Variants in TIMELESS observed in about 807,000 individuals in gnomAD.
The protein encoded by TIMELESS is timeless circadian regulator.
A neutral mutation model predicts 164.3 loss-of-function variants in TIMELESS; 124 were observed. The ratio of observed to expected loss-of-function variants is 0.75; its 90% confidence interval spans 0.65 to 0.88. TIMELESS has a LOEUF of 0.88. Among genes scored for constraint, TIMELESS ranks in the 40% least tolerant of loss-of-function variants. TIMELESS has a pLI of 0.00. For synonymous variants in TIMELESS, 564 were observed against 563.4 expected (o/e 1.00, Z -0.02); for missense variants, 1,422 against 1,491.4 (o/e 0.95, Z 0.77).
intron 24 of TIMELESS, 23 bp downstream of exon 24, chr12:56,420,940 T>C (rs1180633756): frequency 1.2e-6 from 2 of 1,614,010 alleles, no homozygotes; most frequent in Admixed American, 1.7e-5. Context: ...ACCTGAGACA[T>C]CTCTCCCAGC....
rs72479002 is a variant in TIMELESS, at chr12:56,421,225, G to A, written c.2869-91C>T. On this transcript the variant is annotated intron_variant, in intron 23 of 28. Transcript: ENST00000553532. ...TCGTTCCTGACCACCGCACCCCCCC[G>A]CGCCTGCTCTCTCGGAAGGACCTGG... is the stretch of plus-strand genomic sequence containing the variant. 67 of 1,587,942 alleles carry A rather than the reference G, an allele frequency of 4.2e-5. No individual in the cohort carries two copies. In the Admixed American group the frequency reaches 6.6e-4, roughly 16 times the overall value.
chr12:56,434,549 C>T (rs1316321900), intron 1 of TIMELESS, among the ~76,000 whole-genome samples: 1 of 152,104 alleles, frequency 6.6e-6, no homozygotes, highest in African/African-American at 2.4e-5. Flanking sequence ...ACCAGCCTGA[C>T]CAACATGGAG....
Position 56,432,374 on chromosome 12 carries a change from C to A in TIMELESS, c.682G>T (p.Asp228Tyr), listed in dbSNP as rs1469468233. ...VLEIVSLMFR[D>Y]QNPEQLAGVG... Reference sequence around the variant, plus strand: ...GCAATAGGCCAGGGTCTCACCTGGTCACGAAACATAAGGGAGACAATCTCT... The same window carrying A: ...GCAATAGGCCAGGGTCTCACCTGGTAACGAAACATAAGGGAGACAATCTCT... Residue 228 changes from aspartate (D) to tyrosine (Y), a missense_variant, in exon 7 of 29, where the codon GAC (aspartate) becomes TAC (tyrosine). Coordinates refer to ENST00000553532, the MANE Select transcript of TIMELESS (RefSeq NM_003920.5). 1 of 1,613,032 alleles carries A rather than the reference C, an allele frequency of 6.2e-7. No homozygotes were observed. The highest frequency in any genetic ancestry group is 8.5e-7 in the Non-Finnish European group (1 of 1,179,244).
At position 56,435,354 on chromosome 12, in the gene TIMELESS, C is replaced by CT. The variant is rs1450558666; in HGVS notation, c.-61-1124dup. Among the ~76,000 whole-genome samples the CT allele has an allele frequency of 3.2e-3, 490 of 151,086 alleles. 5 individuals carry two copies. The highest frequency in any genetic ancestry group is 0.011 in the African/African-American group (461 of 41,192). On this transcript the variant is annotated intron_variant, in intron 1 of 28. Coordinates refer to ENST00000553532, the MANE Select transcript of TIMELESS (RefSeq NM_003920.5). Reference sequence around the variant, plus strand: ...TCACTATCTCCCAAAGAATCATCTTCTTTTAAAAAAAAAAAAAAAAGAGAA... The same window carrying CT: ...TCACTATCTCCCAAAGAATCATCTTCTTTTTAAAAAAAAAAAAAAAAGAGAA...
At chr12:56,432,311 C>CT in intron 7 of TIMELESS, 58 bp downstream of exon 7, 1 of 1,556,492 alleles carries the variant, frequency 6.4e-7, no homozygotes, top group Non-Finnish European at 8.8e-7. Context: ...GCAATTCTGG[C>CT]TGTACAGCAG....
chr12:56,428,873 T>A lies in TIMELESS; in HGVS notation c.1304+10A>T. 1 of 1,612,580 alleles carries A rather than the reference T, an allele frequency of 6.2e-7. No homozygotes were observed. The highest frequency in any genetic ancestry group is 8.5e-7 in the Non-Finnish European group (1 of 1,179,482). On this transcript the variant is annotated intron_variant, in intron 11 of 28. Coordinates refer to ENST00000553532, the MANE Select transcript of TIMELESS (RefSeq NM_003920.5). ...TAGCTCACTGTATCTCCAGTAACCA[T>A]CCCACTCACCGGCGTGCCCAGGAGG...
intron 1 of TIMELESS, among the ~76,000 whole-genome samples, chr12:56,447,196 T>G (rs892317068): frequency 2.7e-4 from 39 of 144,366 alleles, no homozygotes; most frequent in Middle Eastern, 3.4e-3. Context: ...TTTTTTTTTT[T>G]TTTTTTTTTT....
chr12:56,417,504 C>T lies in TIMELESS; in HGVS notation c.*212G>A. Reference sequence around the variant, plus strand: ...CTAAATCTCCAGAGAGCTGCTGGGGCATACCGATAAAAACTGGGAGAAACA... The same window carrying T: ...CTAAATCTCCAGAGAGCTGCTGGGGTATACCGATAAAAACTGGGAGAAACA... On this transcript the variant is annotated 3_prime_UTR_variant, in exon 29 of 29. Coordinates refer to ENST00000553532, the MANE Select transcript of TIMELESS (RefSeq NM_003920.5). 2 of 562,996 alleles carry T rather than the reference C, an allele frequency of 3.6e-6. No homozygotes were observed. The highest frequency in any genetic ancestry group is 6.3e-6 in the Non-Finnish European group (2 of 315,610). 34.9% of individuals were successfully genotyped at this position (562,996 alleles called of 1,614,324 possible). A position where few individuals can be genotyped will look rare whatever the true frequency, so the allele number is the denominator to read the frequency against.
intron 6 of TIMELESS, 137 bp from the exon 7 acceptor site, chr12:56,432,661 T>C (rs1592251734): frequency 2.4e-6 from 3 of 1,266,692 alleles, no homozygotes; most frequent in East Asian, 2.4e-5. Context: ...AAAGGGCAGC[T>C]TGGCCGGGCG....
chr12:56,433,314 C>A, intron 5 of TIMELESS, 67 bp downstream of exon 5: 2 of 1,556,764 alleles, frequency 1.3e-6, no homozygotes, highest in Middle Eastern at 1.8e-4. Flanking sequence ...CTCAGCATCT[C>A]CTCCTCTGCC....
At chr12:56,419,240 C>T (rs1881372842) in intron 26 of TIMELESS, among the ~76,000 whole-genome samples, 1 of 152,188 alleles carries the variant, frequency 6.6e-6, no homozygotes, top group Non-Finnish European at 1.5e-5. Context: ...GATCCGCCTG[C>T]CTCAGCCTCC....
rs201537000 is a variant in TIMELESS, at chr12:56,421,491, C to T, written c.2728G>A (p.Val910Ile). ...ATATTCTTCATGATATGACCCAGGA[C>T]ATCTATAAAAAGCAAGCATGTGAAT... ...LFEEFRDSDD[V>I]LGHIMKNITA... Residue 910 changes from valine (V) to isoleucine (I), a missense_variant and splice_region_variant, in exon 23 of 29, where the codon GTC (valine) becomes ATC (isoleucine). Val to Ile is a conservative substitution (Grantham distance 29). Coordinates refer to ENST00000553532, the MANE Select transcript of TIMELESS (RefSeq NM_003920.5). 1.2e-4 allele frequency: 190 copies of T among 1,609,358 alleles called. 1 individual carries two copies. In the East Asian group the frequency reaches 3.7e-3, roughly 32 times the overall value.
chr12:56,423,097 A>G lies in TIMELESS; in HGVS notation c.2293-105T>C, dbSNP rs547623545. 6.9e-6 allele frequency: 10 copies of G among 1,445,992 alleles called. No homozygotes were observed. The East Asian group carries it at 2.3e-4, about 33-fold the overall frequency. 89.6% of individuals were successfully genotyped at this position (1,445,992 alleles called of 1,614,324 possible). ...AGCTGTTCCCAGCTGCCCCCTCCTC[A>G]CTCACTCTCTTCTGTCCTTCTCCAT... On this transcript the variant is annotated intron_variant, in intron 18 of 28. Coordinates refer to ENST00000553532, the MANE Select transcript of TIMELESS (RefSeq NM_003920.5).
Position 56,421,783 on chromosome 12 carries a change from G to A in TIMELESS, c.2669C>T (p.Thr890Met), listed in dbSNP as rs1324951663. Residue 890 changes from threonine (T) to methionine (M), a missense_variant, in exon 22 of 29, where the codon ACG (threonine) becomes ATG (methionine). Transcript: ENST00000553532. ...QRKGTHIVLW[T>M]GDQELELQRL... is the part of the protein sequence containing the mutation. ...CTGCAGCTCCAACTCCTGATCCCCC[G>A]TCCACAGTACAATATGGGTTCCTTT... The A allele has an allele frequency of 2.5e-6, 4 of 1,614,044 alleles. No individual in the cohort carries two copies. The highest frequency in any genetic ancestry group is 2.2e-5 in the East Asian group (1 of 44,878).
rs1288254911 is a variant in TIMELESS at position 56,423,673 on chromosome 12, TTCC to T, written c.1998_2000del (p.Glu678del). On this transcript the variant is annotated inframe_deletion, in exon 17 of 29. Coordinates refer to ENST00000553532, the MANE Select transcript of TIMELESS (RefSeq NM_003920.5). Reference sequence around the variant, plus strand: ...CTTCCTCCTCCTCCTCCTCTTCTTCTTCCTCTGCCCCACGTTCCTCTGGGCCCT... The same window carrying T: ...CTTCCTCCTCCTCCTCCTCTTCTTCTTCTGCCCCACGTTCCTCTGGGCCCT... The T allele has an allele frequency of 6.2e-7, 1 of 1,614,000 alleles. No individual in the cohort carries two copies. The highest frequency in any genetic ancestry group is 1.1e-5 in the South Asian group (1 of 91,066).
chr12:56,418,098 A>C, intron 27 of TIMELESS, 36 bp downstream of exon 27: 1 of 1,612,820 alleles, frequency 6.2e-7, no homozygotes, highest in Non-Finnish European at 8.5e-7. Context: ...CATGGCTGAC[A>C]CGTTAATACT....
chr12:56,438,743 A>G (rs1292356714), intron 1 of TIMELESS, among the ~76,000 whole-genome samples: 2 of 127,584 alleles, frequency 1.6e-5, no homozygotes, highest in Non-Finnish European at 3.1e-5. Context: ...GCGCCACCGC[A>G]CTCCAGCCTA....
intron 1 of TIMELESS, among the ~76,000 whole-genome samples, chr12:56,437,529 G>C (rs1882112249): frequency 6.6e-6 from 1 of 151,910 alleles, no homozygotes; most frequent in Non-Finnish European, 1.5e-5. Context: ...TACAGAAAAT[G>C]AGGCAGGATA....
chr12:56,428,442 T>C, intron 12 of TIMELESS, 37 bp from the exon 13 acceptor site: 1 of 1,606,144 alleles, frequency 6.2e-7, no homozygotes, highest in Non-Finnish European at 8.5e-7. Context: ...GAAGGGCTAT[T>C]CTGGAAAGCT....
Sources: gnomAD v4.1 joint callset for allele counts (sites outside exome capture counted in the v4.1 genomes callset) on GRCh38, gnomAD v4.1.1 for gene constraint, MANE v1.5 for transcripts, NCBI Gene and HGNC (gene_info 2026-07-23, HGNC 2026-07-21) for gene names.